LMNTD1: variants seen among roughly 807,000 people sequenced by gnomAD.
LMNTD1 encodes the protein lamin tail domain-containing protein 1.
Under a neutral mutation model 50.9 loss-of-function variants are expected in LMNTD1, and 35 were observed. The ratio of observed to expected loss-of-function variants is 0.69; its 90% CI spans 0.53 to 0.91. The LOEUF (loss-of-function observed/expected upper bound fraction) is 0.91. Among genes scored for constraint, LMNTD1 ranks in the 40% least tolerant of loss-of-function variants. LMNTD1 has a pLI of 0.00. For synonymous variants in LMNTD1, 153 were observed against 161.9 expected (o/e 0.94, Z 0.42); for missense variants, 470 against 475.5 (o/e 0.99, Z 0.11).
At chr12:25,571,976 C>A (rs1361955517) in intron 1 of LMNTD1, among the ~76,000 whole-genome samples, 1 of 152,256 alleles carries the variant, frequency 6.6e-6, no homozygotes, top group East Asian at 1.9e-4. Context: ...CCAGCTCAAC[C>A]AAGTGGATTT....
intron 1 of LMNTD1, among the ~76,000 whole-genome samples, chr12:25,595,353 A>C (rs544944121): frequency 6.6e-6 from 1 of 152,268 alleles, no homozygotes; most frequent in Admixed American, 6.5e-5. Flanking sequence ...CAACAAATTT[A>C]AGAAAATTAA....
intron 1 of LMNTD1, among the ~76,000 whole-genome samples, chr12:25,633,032 G>GA (rs144752389): frequency 0.12 from 12,205 of 103,618 alleles, 540 homozygotes; most frequent in Middle Eastern, 0.27. Flanking sequence ...TCTTATATCA[G>GA]AAAAAAAAAA....
At chr12:25,495,645 T>C (rs1332007454) in intron 9 of LMNTD1, among the ~76,000 whole-genome samples, 1 of 152,194 alleles carries the variant, frequency 6.6e-6, no homozygotes, top group African/African-American at 2.4e-5. Flanking sequence ...ACATTCTTTC[T>C]TTATAATGCC....
chr12:25,585,555 C>T lies in LMNTD1; in HGVS notation c.59-39001G>A, dbSNP rs573029920. On this transcript the variant is annotated intron_variant, in intron 1 of 7. Transcript: ENST00000445693. ...ACATAATAGGAAAAGTAATCCTTTT[C>T]CCCCCAGGTAAAATCTTTTAAAGTA... Among the ~76,000 whole-genome samples, 89 of 152,236 alleles carry T rather than the reference C, an allele frequency of 5.8e-4. 2 individuals carry two copies. Among genetic ancestry groups the T allele is most frequent in the African/African-American group, 1.9e-3 (80 of 41,528 alleles).
chr12:25,503,721 G>A lies in LMNTD1; in HGVS notation c.*22+17C>T, dbSNP rs1471284691. Reference sequence around the variant, plus strand: ...ATTTTTCTGTGGAGAAAGCAAATTTGCAATACAGTTACTTACCTTTAAAGG... The same window carrying A: ...ATTTTTCTGTGGAGAAAGCAAATTTACAATACAGTTACTTACCTTTAAAGG... On this transcript the variant is annotated intron_variant, in intron 9 of 9. Transcript: ENST00000458174. 3 of 1,389,344 alleles carry A rather than the reference G, an allele frequency of 2.2e-6. No individual in the cohort carries two copies. Among genetic ancestry groups the A allele is most frequent in the Non-Finnish European group, 3.0e-6 (3 of 989,088 alleles). 86.1% of individuals were successfully genotyped at this position (1,389,344 alleles called of 1,614,324 possible). A position where few individuals can be genotyped will look rare whatever the true frequency, so the allele number is the denominator to read the frequency against.
At chr12:25,519,293 A>C (rs279003) in intron 7 of LMNTD1, among the ~76,000 whole-genome samples, 111,509 of 151,934 alleles carry the variant, frequency 0.73, 42,069 homozygotes, top group East Asian at 0.89. Flanking sequence ...AACAGTGCCC[A>C]TGAAAAGTGA....
At chr12:25,543,406 A>G (rs976014733) in intron 4 of LMNTD1, among the ~76,000 whole-genome samples, 5 of 152,056 alleles carry the variant, frequency 3.3e-5, no homozygotes, top group African/African-American at 1.2e-4. Context: ...CAGTATAGTA[A>G]AACATAAACA....
intron 1 of LMNTD1, among the ~76,000 whole-genome samples, chr12:25,606,951 C>A (rs992274956): frequency 2.0e-5 from 3 of 152,278 alleles, no homozygotes; most frequent in Non-Finnish European, 4.4e-5. Flanking sequence ...GGCTGTGAAT[C>A]TGTCTGGTCC....
intron 9 of LMNTD1, among the ~76,000 whole-genome samples, chr12:25,482,680 G>A (rs1006911742): frequency 6.6e-6 from 1 of 152,090 alleles, no homozygotes; most frequent in Non-Finnish European, 1.5e-5. Flanking sequence ...TTTTCCAGAA[G>A]CCTCTCTTGT....
chr12:25,571,387 G>A lies in LMNTD1; in HGVS notation c.59-24833C>T, dbSNP rs993078626. Among the ~76,000 whole-genome samples, 6 of 127,390 alleles carry A rather than the reference G, an allele frequency of 4.7e-5. No homozygotes were observed. In the South Asian group the frequency reaches 8.5e-4, roughly 18 times the overall value. 83.6% of individuals were successfully genotyped at this position (127,390 alleles called of 152,430 possible). ...TATTTATTTATTTATTTTTTGAGAC[G>A]GAGTCTCGCTCTGTCACCCAGGCTG... On this transcript the variant is annotated intron_variant, in intron 1 of 7. Transcript: ENST00000445693.
At chr12:25,527,681 TACACACACACACACAC>T (rs376707066) in intron 4 of LMNTD1, among the ~76,000 whole-genome samples, 8 of 32,334 alleles carry the variant, frequency 2.5e-4, no homozygotes, top group African/African-American at 4.7e-4. Context: ...TATATATATA[TACACACACACACACAC>T]ACACACACAC....
intron 4 of LMNTD1, among the ~76,000 whole-genome samples, chr12:25,534,372 AAAG>A (rs1313924446): frequency 1.3e-5 from 2 of 152,248 alleles, no homozygotes; most frequent in African/African-American, 4.8e-5. Flanking sequence ...ACTTGTCAAC[AAAG>A]AATAGTGATA....
chr12:25,510,977 A>G (rs1940235610), intron 8 of LMNTD1, among the ~76,000 whole-genome samples: 1 of 152,164 alleles, frequency 6.6e-6, no homozygotes, highest in South Asian at 2.1e-4. Context: ...ACATATTAGG[A>G]GCAAAAAACT....
chr12:25,508,571 C>T (rs1181984689), intron 8 of LMNTD1, among the ~76,000 whole-genome samples: 1 of 152,162 alleles, frequency 6.6e-6, no homozygotes, highest in Non-Finnish European at 1.5e-5. Flanking sequence ...ACTACAAATA[C>T]AGTCACTCAG....
intron 1 of LMNTD1, among the ~76,000 whole-genome samples, chr12:25,564,447 C>T (rs1278585190): frequency 6.6e-6 from 1 of 152,108 alleles, no homozygotes; most frequent in Admixed American, 6.5e-5. Context: ...TTAGTAGAGA[C>T]ATGGTTTCAC....
chr12:25,543,340 C>A (rs762539509), intron 4 of LMNTD1, among the ~76,000 whole-genome samples: 1 of 152,024 alleles, frequency 6.6e-6, no homozygotes, highest in Non-Finnish European at 1.5e-5. Flanking sequence ...GACCAATAAT[C>A]TTTACAAACA....
chr12:25,640,374 G>A (rs1335451850), intron 1 of LMNTD1, among the ~76,000 whole-genome samples: 1 of 151,906 alleles, frequency 6.6e-6, no homozygotes, highest in Non-Finnish European at 1.5e-5. Context: ...GCCGGGCATG[G>A]CATGTCTATA....
chr12:25,566,386 C>T (rs1042269936), intron 1 of LMNTD1, among the ~76,000 whole-genome samples: 4 of 152,308 alleles, frequency 2.6e-5, no homozygotes, highest in Admixed American at 1.3e-4. Context: ...GTTGGCTCCA[C>T]GTTTTCGCAA....
At chr12:25,514,417 C>T (rs1265544456) in intron 8 of LMNTD1, among the ~76,000 whole-genome samples, 1 of 152,060 alleles carries the variant, frequency 6.6e-6, no homozygotes, top group Non-Finnish European at 1.5e-5. Context: ...AATATAAACA[C>T]ACAATGTTCT....
Sources: gnomAD v4.1 joint callset for allele counts (sites outside exome capture counted in the v4.1 genomes callset) on GRCh38, gnomAD v4.1.1 for gene constraint, MANE v1.5 for transcripts, NCBI Gene and HGNC (gene_info 2026-07-23, HGNC 2026-07-21) for gene names.